MAP2K6: variants seen among roughly 807,000 people sequenced by gnomAD.
MAP2K6 encodes dual specificity mitogen-activated protein kinase kinase 6.
MAP2K6 carries 16 observed loss-of-function variants against 53.7 expected under a neutral mutation model. That is an observed-to-expected ratio of 0.30 (90% CI 0.20 to 0.45). The LOEUF (loss-of-function observed/expected upper bound fraction) is 0.45, where lower values mean the gene tolerates loss of function less well. Ranked by LOEUF, MAP2K6 falls within the 20% of genes least tolerant of loss-of-function variation. MAP2K6 has a pLI of 1.00. For missense variants in MAP2K6, 204 were observed against 411.9 expected, an observed-to-expected ratio of 0.50 and a Z score of 4.37; for synonymous variants, 132 against 143.1, an observed-to-expected ratio of 0.92 and a Z score of 0.55.
chr17:69,498,620 GCCTGGAAGCCACACACACACA>G (rs1008116144), intron 1 of MAP2K6, among the ~76,000 whole-genome samples: 1 of 135,538 alleles, frequency 7.4e-6, no homozygotes, highest in Non-Finnish European at 1.6e-5. Flanking sequence ...CACCCAGCAC[GCCTGGAAGCCACACACACACA>G]CCTGGAAGCC....
At chr17:69,502,798 T>C (rs912126084) in intron 1 of MAP2K6, 19 of 723,052 alleles carry the variant, frequency 2.6e-5, no homozygotes, top group African/African-American at 3.8e-5. Context: ...ATTATTTTGG[T>C]CTTTTATTCC....
intron 2 of MAP2K6, among the ~76,000 whole-genome samples, chr17:69,516,242 G>A (rs546387268): frequency 6.6e-6 from 1 of 151,904 alleles, no homozygotes; most frequent in South Asian, 2.1e-4. Flanking sequence ...GGGGGTGATG[G>A]GAGACAGCAA....
chr17:69,483,532 T>C (rs971925864), intron 1 of MAP2K6, among the ~76,000 whole-genome samples: 31 of 152,080 alleles, frequency 2.0e-4, no homozygotes, highest in Non-Finnish European at 4.4e-4. Flanking sequence ...GTTTCCAAAT[T>C]GATCTGAAGA....
Position 69,456,973 on chromosome 17 carries a change from T to TGTA in MAP2K6, c.16+41974_16+41975insTAG, listed in dbSNP as rs574528818. 2.0e-5 allele frequency among the ~76,000 whole-genome samples: 3 copies of TGTA among 152,330 alleles called. No individual in the cohort carries two copies. The East Asian group carries it at 5.8e-4, about 29-fold the overall frequency. Reference sequence around the variant, plus strand: ...AGCTTGGACGCCCTACCTGACCTACTGCTTCACGGCCGTGCATACGGAATC... The same window carrying TGTA: ...AGCTTGGACGCCCTACCTGACCTACTGTAGCTTCACGGCCGTGCATACGGAATC... On this transcript the variant is annotated intron_variant, in intron 1 of 11. Transcript: ENST00000590474.
chr17:69,471,144 G>A (rs958613652), intron 1 of MAP2K6, among the ~76,000 whole-genome samples: 11 of 152,136 alleles, frequency 7.2e-5, no homozygotes, highest in East Asian at 1.9e-4. Context: ...TGTATTAAGC[G>A]GAAAAGAACT....
intron 1 of MAP2K6, among the ~76,000 whole-genome samples, chr17:69,498,657 C>T (rs1909037433): frequency 1.8e-5 from 1 of 54,146 alleles, no homozygotes; most frequent in African/African-American, 5.1e-5. Context: ...AAGCCACACA[C>T]ACACACACAC....
intron 1 of MAP2K6, among the ~76,000 whole-genome samples, chr17:69,418,709 T>G (rs2145123963): frequency 6.6e-6 from 1 of 152,340 alleles, no homozygotes; most frequent in African/African-American, 2.4e-5. Flanking sequence ...TTTATTAACT[T>G]TCACTATTGT....
chr17:69,530,561 A>T (rs1175988365), intron 10 of MAP2K6, among the ~76,000 whole-genome samples: 1 of 152,168 alleles, frequency 6.6e-6, no homozygotes, highest in African/African-American at 2.4e-5. Context: ...GAATTTTATG[A>T]GCATTCTTAC....
chr17:69,480,358 C>A lies in MAP2K6; in HGVS notation c.17-25422C>A, dbSNP rs2145190877. On this transcript the variant is annotated intron_variant, in intron 1 of 11. Transcript: ENST00000590474. ...TTCTCACCAGCCCTAACCTGTTTGC[C>A]ACTTGGCAAGCACGGGGAACAGGAC... Among the ~76,000 whole-genome samples the A allele has an allele frequency of 2.6e-5, 4 of 152,312 alleles. No homozygotes were observed. The South Asian group carries it at 8.3e-4, about 32-fold the overall frequency.
intron 1 of MAP2K6, among the ~76,000 whole-genome samples, chr17:69,416,789 A>G (rs1363468486): frequency 6.6e-6 from 1 of 152,188 alleles, no homozygotes; most frequent in Non-Finnish European, 1.5e-5. Flanking sequence ...GAAGTGATTT[A>G]TCTATTTGGG....
intron 10 of MAP2K6, among the ~76,000 whole-genome samples, chr17:69,535,750 C>T (rs1215681517): frequency 1.3e-5 from 2 of 152,182 alleles, no homozygotes; most frequent in African/African-American, 4.8e-5. Flanking sequence ...GTAAGAAACA[C>T]TTGCCAATTT....
intron 8 of MAP2K6, among the ~76,000 whole-genome samples, chr17:69,524,680 C>T (rs2144831555): frequency 6.6e-6 from 1 of 152,156 alleles, no homozygotes; most frequent in South Asian, 2.1e-4. Flanking sequence ...GAACTTGATC[C>T]ATTACTGTGT....
At chr17:69,522,976 A>G (rs1910559054) in intron 7 of MAP2K6, among the ~76,000 whole-genome samples, 1 of 151,648 alleles carries the variant, frequency 6.6e-6, no homozygotes, top group Admixed American at 6.6e-5. Context: ...CGGGAGGATG[A>G]TTTGAGCCCA....
intron 1 of MAP2K6, among the ~76,000 whole-genome samples, chr17:69,485,711 A>T (rs1441219237): frequency 6.6e-6 from 1 of 151,148 alleles, no homozygotes; most frequent in Non-Finnish European, 1.5e-5. Context: ...GACATCCTTC[A>T]CTCCTGTCTC....
chr17:69,432,572 A>G (rs1906497397), intron 1 of MAP2K6, among the ~76,000 whole-genome samples: 1 of 149,330 alleles, frequency 6.7e-6, no homozygotes, highest in Non-Finnish European at 1.5e-5. Flanking sequence ...CAAACACCAC[A>G]TGTTCTCACT....
chr17:69,510,135 C>T (rs766859621), intron 2 of MAP2K6, among the ~76,000 whole-genome samples: 5 of 152,148 alleles, frequency 3.3e-5, no homozygotes, highest in Admixed American at 2.0e-4. Context: ...CGCGAGCCAA[C>T]GTGCCCTGCC....
intron 1 of MAP2K6, among the ~76,000 whole-genome samples, chr17:69,470,387 A>G (rs1007022574): frequency 6.6e-6 from 1 of 152,192 alleles, no homozygotes; most frequent in Non-Finnish European, 1.5e-5. Flanking sequence ...CATCACCAAG[A>G]TGAGGCCCTG....
intron 1 of MAP2K6, among the ~76,000 whole-genome samples, chr17:69,480,329 G>A (rs9907575): frequency 0.09 from 13,637 of 152,028 alleles, 768 homozygotes; most frequent in African/African-American, 0.16. Flanking sequence ...AGGACATTCC[G>A]TTCTTCTCAC....
At chr17:69,432,074 C>T (rs901582123) in intron 1 of MAP2K6, among the ~76,000 whole-genome samples, 11 of 152,102 alleles carry the variant, frequency 7.2e-5, no homozygotes, top group Non-Finnish European at 1.2e-4. Context: ...AAGGAACAGT[C>T]AAATGGCTGA....
Sources: gnomAD v4.1 joint callset for allele counts (sites outside exome capture counted in the v4.1 genomes callset) on GRCh38, gnomAD v4.1.1 for gene constraint, MANE v1.5 for transcripts, NCBI Gene and HGNC (gene_info 2026-07-23, HGNC 2026-07-21) for gene names.